ASAH1: variants seen among roughly 807,000 people sequenced by gnomAD.
The protein encoded by ASAH1 is N-acylsphingosine amidohydrolase 1.
ASAH1 carries 70 observed loss-of-function variants against 59.5 expected under a neutral mutation model. The ratio of observed to expected loss-of-function variants is 1.18; its 90% confidence interval spans 0.97 to 1.43. The LOEUF is 1.43. ASAH1 is among the 40% of genes most tolerant of loss of function. The probability of loss-of-function intolerance (pLI) is 0.00; values close to 1 mark genes in which losing one functional copy is unlikely to be tolerated. For synonymous variants in ASAH1, 213 were observed against 166.5 expected (o/e 1.28, Z -2.15); for missense variants, 660 against 482.5 (o/e 1.37, Z -3.45).
chr8:18,064,430 GCCCA>G, intron 6 of ASAH1, 23 bp downstream of exon 6: 118 of 1,488,280 alleles, frequency 7.9e-5, no homozygotes, highest in Non-Finnish European at 9.8e-5. Context: ...GCTTCATGCT[GCCCA>G]CCCTCCCTCA....
intron 2 of ASAH1, among the ~76,000 whole-genome samples, chr8:18,074,486 T>C (rs893997216): frequency 3.9e-5 from 6 of 152,240 alleles, no homozygotes; most frequent in East Asian, 1.9e-4. Flanking sequence ...ATTTGGAATG[T>C]TGCACGAACT....
At position 18,057,524 on chromosome 8, in the gene ASAH1, A is replaced by G; in HGVS notation, c.*10T>C. On this transcript the variant is annotated 3_prime_UTR_variant, in exon 14 of 14. Transcript: ENST00000637790. ...TCTCAGAGGCCGCATTCTGTAGGCC[A>G]GACGTGTGCTCACCAACCTATACAA... 1 of 1,589,022 alleles carries G rather than the reference A, an allele frequency of 6.3e-7. No homozygotes were observed. Among genetic ancestry groups the G allele is most frequent in the African/African-American group, 1.3e-5 (1 of 74,402 alleles).
chr8:18,084,166 C>T, upstream of ASAH1: 1 of 1,552,686 alleles, frequency 6.4e-7, no homozygotes, highest in South Asian at 1.2e-5. Context: ...CGACCTGGGA[C>T]CGCACCATTC....
chr8:18,084,147 C>A (rs772072836), upstream of ASAH1: 154 of 1,567,162 alleles, frequency 9.8e-5, no homozygotes, highest in Non-Finnish European at 1.3e-4. Flanking sequence ...CCCTCCGCCG[C>A]GTGACCCGCG....
In ASAH1 at chr8:18,062,278, C is replaced by G. The variant is rs1411267767; in HGVS notation, c.648+1G>C. 1.2e-6 allele frequency: 2 copies of G among 1,614,176 alleles called. No individual in the cohort carries two copies. Among genetic ancestry groups the G allele is most frequent in the Non-Finnish European group, 1.7e-6 (2 of 1,180,030 alleles). ...TAATTATGTAACAACAGACTCCTTA[C>G]TGGTTTGAATCCTGTTAACATGCCC... On this transcript the variant is annotated splice_donor_variant, in intron 8 of 13. Coordinates refer to ENST00000637790, the MANE Select transcript of ASAH1 (RefSeq NM_177924.5). LOFTEE classifies it high-confidence loss of function.
At chr8:18,068,916 A>T (rs1421721074) in intron 4 of ASAH1, among the ~76,000 whole-genome samples, 1 of 152,156 alleles carries the variant, frequency 6.6e-6, no homozygotes. Context: ...AGGCGGGAAG[A>T]TCGCCTGAGC....
At chr8:18,060,912 C>A in intron 10 of ASAH1, 1 of 175,288 alleles carries the variant, frequency 5.7e-6, no homozygotes, top group Non-Finnish European at 1.2e-5. Flanking sequence ...GTCACCATGC[C>A]TGGCTAATTT....
At chr8:18,067,413 A>G (rs1256395228) in intron 4 of ASAH1, 115 bp from the exon 5 acceptor site, 5 of 605,524 alleles carry the variant, frequency 8.3e-6, no homozygotes, top group African/African-American at 5.8e-5. Flanking sequence ...TTGGACATAT[A>G]ATTTTTTCTA....
Position 18,059,219 on chromosome 8 carries a change from G to A in ASAH1, c.1041+122C>T, listed in dbSNP as rs200253246. ...CGAAACAAAAAAATCAGTGGAGAGTGGCTAGAGATACTATGAAAAATAGGA... is the reference window on the plus strand; with the variant it reads ...CGAAACAAAAAAATCAGTGGAGAGTAGCTAGAGATACTATGAAAAATAGGA... On this transcript the variant is annotated intron_variant, in intron 12 of 13. Coordinates refer to ENST00000637790, the MANE Select transcript of ASAH1 (RefSeq NM_177924.5). 117 of 1,477,972 alleles carry A rather than the reference G, an allele frequency of 7.9e-5. No homozygotes were observed. In the East Asian group the frequency reaches 2.6e-3, roughly 33 times the overall value. 91.6% of individuals were successfully genotyped at this position (1,477,972 alleles called of 1,614,324 possible). A position where few individuals can be genotyped will look rare whatever the true frequency, so the allele number is the denominator to read the frequency against.
Position 18,075,599 on chromosome 8 carries a change from A to C in ASAH1, c.79-12T>G. The C allele has an allele frequency of 6.2e-7, 1 of 1,614,024 alleles. No individual in the cohort carries two copies. The highest frequency in any genetic ancestry group is 2.2e-5 in the East Asian group (1 of 44,862). On this transcript the variant is annotated splice_polypyrimidine_tract_variant and intron_variant, in intron 1 of 13. Coordinates refer to ENST00000637790, the MANE Select transcript of ASAH1 (RefSeq NM_177924.5). Reference sequence around the variant, plus strand: ...CAGTCCTCTGTCCACTGAAAAGCAAAGAAAATTAAGTTTCAGAAAATAACA... The same window carrying C: ...CAGTCCTCTGTCCACTGAAAAGCAACGAAAATTAAGTTTCAGAAAATAACA...
At chr8:18,083,486 G>T in intron 1 of ASAH1, 1 of 160,526 alleles carries the variant, frequency 6.2e-6, no homozygotes. Context: ...GCCCTTTGGG[G>T]CCTGCTCTGG....
At chr8:18,059,744 TA>T (rs1799615593) in intron 10 of ASAH1, 41 bp from the exon 11 acceptor site, 2 of 1,520,852 alleles carry the variant, frequency 1.3e-6, no homozygotes, top group African/African-American at 1.4e-5. Context: ...AACTTTTTTT[TA>T]ATTTTAGTAA....
At position 18,057,181 on chromosome 8, in the gene ASAH1, G is replaced by T; in HGVS notation, c.*353C>A. 1 of 277,504 alleles carries T rather than the reference G, an allele frequency of 3.6e-6. No individual in the cohort carries two copies. Among genetic ancestry groups the T allele is most frequent in the East Asian group, 8.7e-5 (1 of 11,490 alleles). 17.2% of individuals were successfully genotyped at this position (277,504 alleles called of 1,614,324 possible). On this transcript the variant is annotated 3_prime_UTR_variant, in exon 14 of 14. Coordinates refer to ENST00000637790, the MANE Select transcript of ASAH1 (RefSeq NM_177924.5). Reference sequence around the variant, plus strand: ...TTACTGTCCCGTTACTCACACAGACGTGCTGGATTCAACACCCACGCTGAA... The same window carrying T: ...TTACTGTCCCGTTACTCACACAGACTTGCTGGATTCAACACCCACGCTGAA...
intron 1 of ASAH1, chr8:18,076,765 A>C (rs1800420288): frequency 6.6e-6 from 1 of 152,204 alleles, no homozygotes; most frequent in African/African-American, 2.4e-5. Context: ...TAGCTTGAGC[A>C]CAGAAAATGT....
intron 5 of ASAH1, chr8:18,065,777 A>G (rs1320420596): frequency 6.6e-6 from 1 of 152,172 alleles, no homozygotes; most frequent in Non-Finnish European, 1.5e-5. Context: ...GAGGTGAAAT[A>G]GTATTGATAT....
At chr8:18,081,131 G>A (rs763979664) in intron 1 of ASAH1, among the ~76,000 whole-genome samples, 1 of 151,930 alleles carries the variant, frequency 6.6e-6, no homozygotes, top group African/African-American at 2.4e-5. Context: ...TAGCCCCCAA[G>A]CTTTCCCCTC....
chr8:18,061,972 G>T, intron 8 of ASAH1: 1 of 624,994 alleles, frequency 1.6e-6, no homozygotes. Flanking sequence ...GGAAACTGAA[G>T]GGCAGAGAAT....
At chr8:18,069,701 C>A in intron 4 of ASAH1, 91 bp downstream of exon 4, 1 of 924,542 alleles carries the variant, frequency 1.1e-6, no homozygotes, top group South Asian at 1.4e-5. Flanking sequence ...GCCCAAGTCC[C>A]TGCGAAGAGG....
At position 18,056,576 on chromosome 8, in the gene ASAH1, A is replaced by G. The variant is rs1181398809; in HGVS notation, c.*958T>C. 1 of 152,244 alleles carries G rather than the reference A, an allele frequency of 6.6e-6. No individual in the cohort carries two copies. The highest frequency in any genetic ancestry group is 1.5e-5 in the Non-Finnish European group (1 of 68,048). The allele number at this position is 152,244 out of a possible 1,614,324, so 9.4% of individuals were successfully genotyped here. On this transcript the variant is annotated 3_prime_UTR_variant, in exon 14 of 14. Transcript: ENST00000637790. ...TTAATCGTGAAGGTTAGAAAGGTTA[A>G]CAAGTTCTATTAGTACTTTTCATAA...
Sources: allele counts gnomAD v4.1 joint callset (sites outside exome capture counted in the v4.1 genomes callset), GRCh38; gene constraint gnomAD v4.1.1; transcripts MANE v1.5; gene names NCBI Gene and HGNC (gene_info 2026-07-23, HGNC 2026-07-21).